SLC25A21: variants seen among roughly 807,000 people sequenced by gnomAD.
SLC25A21 encodes the protein mitochondrial 2-oxodicarboxylate carrier.
Under a neutral mutation model 43.8 loss-of-function variants are expected in SLC25A21, and 47 were observed. That is an observed-to-expected ratio of 1.07 (90% confidence interval 0.85 to 1.37). The LOEUF (loss-of-function observed/expected upper bound fraction) is 1.37. SLC25A21 is among the 40% of genes most tolerant of loss of function. SLC25A21 has a pLI of 0.00. For synonymous variants in SLC25A21, 131 were observed against 121.3 expected (o/e 1.08, Z -0.52); for missense variants, 352 against 350.2 (o/e 1.00, Z -0.04).
At chr14:36,712,405 T>C (rs1484123901) in intron 6 of SLC25A21, among the ~76,000 whole-genome samples, 1 of 152,140 alleles carries the variant, frequency 6.6e-6, no homozygotes, top group South Asian at 2.1e-4. Flanking sequence ...GTTTGATATT[T>C]CACTAAAGCA....
intron 7 of SLC25A21, among the ~76,000 whole-genome samples, chr14:36,708,379 T>C (rs1017356447): frequency 1.7e-4 from 26 of 152,256 alleles, no homozygotes; most frequent in African/African-American, 6.0e-4. Context: ...AGATAATTTG[T>C]TTGGAAGAGT....
chr14:37,061,819 G>A (rs887854722), intron 1 of SLC25A21, among the ~76,000 whole-genome samples: 1 of 152,184 alleles, frequency 6.6e-6, no homozygotes, highest in African/African-American at 2.4e-5. Context: ...ACATACTCCT[G>A]GTAGAGAGTT....
chr14:36,742,423 C>A (rs938218808), intron 3 of SLC25A21, among the ~76,000 whole-genome samples: 1 of 152,196 alleles, frequency 6.6e-6, no homozygotes, highest in Non-Finnish European at 1.5e-5. Flanking sequence ...ACACACTACA[C>A]CTTTAGGGCA....
At chr14:37,005,310 G>A (rs1231345143) in intron 1 of SLC25A21, among the ~76,000 whole-genome samples, 2 of 151,946 alleles carry the variant, frequency 1.3e-5, no homozygotes, top group Non-Finnish European at 2.9e-5. Context: ...TCCGCAGGAA[G>A]CTCAGGCAGC....
chr14:36,764,534 CAA>C (rs200286612), intron 3 of SLC25A21, among the ~76,000 whole-genome samples: 6,708 of 96,026 alleles, frequency 0.07, 540 homozygotes, highest in African/African-American at 0.23. Flanking sequence ...ACCCACACTC[CAA>C]AAAAAAAAAA....
At chr14:36,782,219 G>A (rs186193457) in intron 3 of SLC25A21, among the ~76,000 whole-genome samples, 1 of 152,262 alleles carries the variant, frequency 6.6e-6, no homozygotes, top group African/African-American at 2.4e-5. Context: ...TCCTCTTTGG[G>A]TTGAAGCTGT....
intron 2 of SLC25A21, among the ~76,000 whole-genome samples, chr14:36,819,837 T>C (rs901926137): frequency 6.6e-6 from 1 of 152,174 alleles, no homozygotes; most frequent in African/African-American, 2.4e-5. Context: ...TTACTTTTAA[T>C]GGTGCCTAAC....
At chr14:36,807,839 G>A (rs780736488) in intron 3 of SLC25A21, among the ~76,000 whole-genome samples, 1 of 152,190 alleles carries the variant, frequency 6.6e-6, no homozygotes, top group Non-Finnish European at 1.5e-5. Context: ...GAGGGAGTGA[G>A]TATACCTCCT....
intron 1 of SLC25A21, among the ~76,000 whole-genome samples, chr14:36,946,372 G>A (rs1892679935): frequency 6.6e-6 from 1 of 152,102 alleles, no homozygotes; most frequent in Non-Finnish European, 1.5e-5. Context: ...GAGAAAGAAA[G>A]TGAGGGTAGT....
intron 3 of SLC25A21, among the ~76,000 whole-genome samples, chr14:36,771,386 G>A (rs712329): frequency 0.63 from 95,066 of 151,882 alleles, 30,345 homozygotes; most frequent in East Asian, 0.89. Flanking sequence ...GCACTTATGA[G>A]TGCAAAGTAC....
chr14:36,765,809 C>T lies in SLC25A21; in HGVS notation c.204-31236G>A, dbSNP rs954097616. Reference sequence around the variant, plus strand: ...ATATTATTTACTCTCTTCACCTTCTCGCCCCTCCATACAGATGGCAATACA... The same window carrying T: ...ATATTATTTACTCTCTTCACCTTCTTGCCCCTCCATACAGATGGCAATACA... On this transcript the variant is annotated intron_variant, in intron 3 of 9. Coordinates refer to ENST00000331299, the MANE Select transcript of SLC25A21 (RefSeq NM_030631.4). 3.3e-5 allele frequency among the ~76,000 whole-genome samples: 5 copies of T among 152,182 alleles called. No individual in the cohort carries two copies. The East Asian group carries it at 5.8e-4, about 18-fold the overall frequency.
At chr14:36,827,769 A>G (rs1888888929) in intron 2 of SLC25A21, among the ~76,000 whole-genome samples, 1 of 152,244 alleles carries the variant, frequency 6.6e-6, no homozygotes, top group Non-Finnish European at 1.5e-5. Context: ...TACAATAAAT[A>G]CATACAATTT....
At chr14:36,794,272 G>A (rs966104183) in intron 3 of SLC25A21, among the ~76,000 whole-genome samples, 1 of 151,914 alleles carries the variant, frequency 6.6e-6, no homozygotes, top group African/African-American at 2.4e-5. Context: ...GTTCTCTCCA[G>A]GAGTGTTTTT....
intron 3 of SLC25A21, among the ~76,000 whole-genome samples, chr14:36,778,755 T>C (rs1886928286): frequency 6.6e-6 from 1 of 152,226 alleles, no homozygotes; most frequent in South Asian, 2.1e-4. Context: ...TACAGGTATA[T>C]ATTGTGAAAT....
At chr14:37,049,676 G>C (rs576684261) in intron 1 of SLC25A21, among the ~76,000 whole-genome samples, 1 of 152,196 alleles carries the variant, frequency 6.6e-6, no homozygotes, top group South Asian at 2.1e-4. Context: ...ACCCACATAT[G>C]TAAGTCCATA....
intron 1 of SLC25A21, among the ~76,000 whole-genome samples, chr14:36,899,006 T>G (rs1318156788): frequency 6.6e-6 from 1 of 152,224 alleles, no homozygotes; most frequent in Non-Finnish European, 1.5e-5. Flanking sequence ...CAGTCCACTA[T>G]GTATCTAATA....
chr14:36,986,281 T>C (rs532017274), intron 1 of SLC25A21, among the ~76,000 whole-genome samples: 8 of 152,238 alleles, frequency 5.3e-5, no homozygotes, highest in African/African-American at 9.6e-5. Context: ...CAACACCACA[T>C]TCTGTCTTCT....
chr14:36,955,535 T>C (rs1959316116), intron 1 of SLC25A21, among the ~76,000 whole-genome samples: 1 of 152,194 alleles, frequency 6.6e-6, no homozygotes, highest in South Asian at 2.1e-4. Context: ...CTGGATTTTC[T>C]GATTTTTTTT....
chr14:37,143,655 G>A (rs900462486), intron 1 of SLC25A21, among the ~76,000 whole-genome samples: 29 of 151,882 alleles, frequency 1.9e-4, no homozygotes, highest in Admixed American at 1.4e-3. Flanking sequence ...TATGAAAGGG[G>A]AAGAAGGCAT....
Sources: allele counts gnomAD v4.1 joint callset (sites outside exome capture counted in the v4.1 genomes callset), GRCh38; gene constraint gnomAD v4.1.1; transcripts MANE v1.5; gene names NCBI Gene and HGNC (gene_info 2026-07-23, HGNC 2026-07-21).